Variants in EPHB6 observed in about 807,000 individuals in gnomAD.
EPHB6 encodes ephrin type-B receptor 6.
In EPHB6, 51 loss-of-function variants were observed where a neutral mutation model predicts 107.0. The ratio of observed to expected loss-of-function variants is 0.48; its 90% CI spans 0.38 to 0.60. The LOEUF (loss-of-function observed/expected upper bound fraction) is 0.60. Among genes scored for constraint, EPHB6 ranks in the 20% least tolerant of loss-of-function variants. The probability of loss-of-function intolerance (pLI) is 0.00; values close to 1 mark genes in which losing one functional copy is unlikely to be tolerated. For missense variants in EPHB6, 1,141 were observed against 1,355.5 expected, an observed-to-expected ratio of 0.84 and a Z score of 2.48; for synonymous variants, 553 against 549.0, an observed-to-expected ratio of 1.01 and a Z score of -0.10.
chr7:142,864,497 T>C lies in EPHB6; in HGVS notation c.697T>C (p.Cys233Arg), dbSNP rs774764025. Residue 233 changes from cysteine to arginine, a missense_variant, in exon 7 of 20, where the codon TGC becomes CGC. By Grantham distance (180) the Cys-to-Arg change is radical (BLOSUM62 -3). Around this residue, in one of 3 missense-constraint regions of EPHB6, gnomAD observed 304 missense variants for 295.7 expected, o/e 1.03. Transcript: ENST00000652003. ...LVAVRLFSYT[C>R]PAVLRSFASF... ...CGCTGTCAGGCTCTTCTCCTACACC[T>C]GCCCTGCCGTGCTCCGATCCTTTGC... is the stretch of plus-strand genomic sequence containing the variant. The C allele has an allele frequency of 6.2e-7, 1 of 1,613,288 alleles. No individual in the cohort carries two copies. The highest frequency in any genetic ancestry group is 1.7e-5 in the Admixed American group (1 of 60,020).
At chr7:142,865,395 T>C in intron 7 of EPHB6, 80 bp from the exon 8 acceptor site, 2 of 1,581,564 alleles carry the variant, frequency 1.3e-6, no homozygotes, top group Non-Finnish European at 1.7e-6. Context: ...GCTGCGAGGA[T>C]ACCTGCCTGC....
Position 142,863,623 on chromosome 7 carries a change from C to G in EPHB6, c.101-8C>G. 6.2e-7 allele frequency: 1 copy of G among 1,613,648 alleles called. No individual in the cohort carries two copies. Among genetic ancestry groups the G allele is most frequent in the Non-Finnish European group, 8.5e-7 (1 of 1,179,958 alleles). On this transcript the variant is annotated splice_region_variant and splice_polypyrimidine_tract_variant and intron_variant, in intron 5 of 19. Coordinates refer to ENST00000652003, the MANE Select transcript of EPHB6 (RefSeq NM_004445.6). ...TGGCCACTGTGTGCCCCTCTTATTTCTGGGCAGAGGTATTGCTGGACACCA... is the reference window on the plus strand; with the variant it reads ...TGGCCACTGTGTGCCCCTCTTATTTGTGGGCAGAGGTATTGCTGGACACCA...
chr7:142,858,218 A>G (rs910434824), intron 1 of EPHB6, among the ~76,000 whole-genome samples: 2 of 152,106 alleles, frequency 1.3e-5, no homozygotes, highest in African/African-American at 4.8e-5. Context: ...TTAATGGCCT[A>G]ATATGTCTTC....
rs773974599 is a variant in EPHB6 at position 142,865,536 on chromosome 7, C to G, written c.1011C>G (p.Ala337=). Residue 337 remains alanine (A), a synonymous_variant, in exon 8 of 20, where the codon GCC becomes GCG. Coordinates refer to ENST00000652003, the MANE Select transcript of EPHB6 (RefSeq NM_004445.6). ...AGNAPCSPCP[A]RSHAPNPAAP... ...ATGCTCCCTGCTCACCATGCCCTGC[C>G]CGCAGTCACGCTCCCAACCCAGCAG... 1 of 1,613,584 alleles carries G rather than the reference C, an allele frequency of 6.2e-7. No individual in the cohort carries two copies. The highest frequency in any genetic ancestry group is 1.3e-5 in the African/African-American group (1 of 75,042).
At chr7:142,856,678 G>A (rs1056519309) in intron 1 of EPHB6, among the ~76,000 whole-genome samples, 8 of 151,950 alleles carry the variant, frequency 5.3e-5, no homozygotes, top group East Asian at 1.9e-4. Flanking sequence ...ACTCCTCCCC[G>A]CCCCCCACTT....
In EPHB6 at chr7:142,864,174, G is replaced by A. The variant is rs201326184; in HGVS notation, c.374G>A (p.Arg125Gln). ...SSLGVSGGTC[R>Q]ETFTLYYRQA... The stretch of plus-strand genomic sequence containing the variant: ...CTGGGTGTGAGCGGCGGCACCTGCC[G>A]GGAGACCTTCACCCTTTACTACCGT... Residue 125 changes from arginine (R) to glutamine (Q), a missense_variant, in exon 7 of 20, where the codon CGG (arginine) becomes CAG (glutamine). Arg to Gln is a conservative substitution (Grantham distance 43). Coordinates refer to ENST00000652003, the MANE Select transcript of EPHB6 (RefSeq NM_004445.6). 16 of 1,613,768 alleles carry A rather than the reference G, an allele frequency of 9.9e-6. No homozygotes were observed. Among genetic ancestry groups the A allele is most frequent in the African/African-American group, 1.3e-5 (1 of 74,938 alleles).
chr7:142,864,038 G>T lies in EPHB6; in HGVS notation c.238G>T (p.Ala80Ser). 4 of 1,614,154 alleles carry T rather than the reference G, an allele frequency of 2.5e-6. No homozygotes were observed. The highest frequency in any genetic ancestry group is 2.2e-5 in the East Asian group (1 of 44,872). ...RTFEACHVAG[A>S]PPGTGQDNWL... ...CTTTGAGGCATGTCATGTGGCAGGG[G>T]CCCCTCCAGGCACCGGGCAGGACAA... is the stretch of plus-strand genomic sequence containing the variant. Residue 80 changes from alanine to serine, a missense_variant, in exon 7 of 20, where the codon GCC (alanine) becomes TCC (serine). By Grantham distance (99) the Ala-to-Ser change is moderately conservative. Transcript: ENST00000652003.
chr7:142,863,704 C>T lies in EPHB6; in HGVS notation c.165+9C>T. On this transcript the variant is annotated intron_variant, in intron 6 of 19. Coordinates refer to ENST00000652003, the MANE Select transcript of EPHB6 (RefSeq NM_004445.6). ...CCTACCCACCAGGGGGGGTGAGTGC[C>T]ACTCTAATTCTGAACCTGAATCCCT... The T allele has an allele frequency of 6.2e-7, 1 of 1,613,498 alleles. No homozygotes were observed. The highest frequency in any genetic ancestry group is 8.5e-7 in the Non-Finnish European group (1 of 1,179,666).
At position 142,867,704 on chromosome 7, in the gene EPHB6, T is replaced by C; in HGVS notation, c.1847T>C (p.Leu616Pro). The change falls in exon 12 of 20, where the codon CTG (leucine) becomes CCG (proline). Residue 616 changes from leucine (L) to proline (P), a missense_variant. By Grantham distance (98) the Leu-to-Pro change is moderately conservative (BLOSUM62 -3). Coordinates refer to ENST00000652003, the MANE Select transcript of EPHB6 (RefSeq NM_004445.6). This position sits in a 1 kb window ranked among gnomAD's most constrained non-coding sequence, Gnocchi z 5.3. Reference protein sequence around the residue: ...AFLLLAAITVLAVVFQRKRRG... With the variant: ...AFLLLAAITVPAVVFQRKRRG... ...CTCCTGCTGGCAGCCATCACCGTGCTGGCGGTCGTCTTCCAGCGGTGAGTC... is the reference window on the plus strand; with the variant it reads ...CTCCTGCTGGCAGCCATCACCGTGCCGGCGGTCGTCTTCCAGCGGTGAGTC... 6.2e-7 allele frequency: 1 copy of C among 1,612,436 alleles called. No individual in the cohort carries two copies. The highest frequency in any genetic ancestry group is 8.5e-7 in the Non-Finnish European group (1 of 1,179,736).
At position 142,868,428 on chromosome 7, in the gene EPHB6, C is replaced by T; in HGVS notation, c.2039-64C>T. ...TTGTGGCCTCCGCTGGCCAGAGTCC[C>T]ATCCAAACACAGCAGGACGCTGTGA... is the stretch of plus-strand genomic sequence containing the variant. On this transcript the variant is annotated intron_variant, in intron 14 of 19. Transcript: ENST00000652003. The surrounding 1 kb of genome is among the most constrained non-coding windows in gnomAD (Gnocchi z 4.2). 6.2e-7 allele frequency: 1 copy of T among 1,613,968 alleles called. No individual in the cohort carries two copies. Among genetic ancestry groups the T allele is most frequent in the Admixed American group, 1.7e-5 (1 of 60,020 alleles).
intron 19 of EPHB6, 35 bp downstream of exon 19, chr7:142,870,720 C>T (rs1449417953): frequency 6.2e-7 from 1 of 1,614,122 alleles, no homozygotes; most frequent in Non-Finnish European, 8.5e-7. Context: ...GGCGAATGCT[C>T]CAGGCCCCTG....
Position 142,868,474 on chromosome 7 carries a change from C to T in EPHB6, c.2039-18C>T, listed in dbSNP as rs1400851831. ...TGTGAGCCTTGATCCCCACCCCAAC[C>T]TACACCTATTTTCCCAGGCTCTTTT... On this transcript the variant is annotated intron_variant, in intron 14 of 19. Coordinates refer to ENST00000652003, the MANE Select transcript of EPHB6 (RefSeq NM_004445.6). This position sits in a 1 kb window ranked among gnomAD's most constrained non-coding sequence, Gnocchi z 4.2. The T allele has an allele frequency of 1.9e-6, 3 of 1,614,074 alleles. No homozygotes were observed. The highest frequency in any genetic ancestry group is 1.3e-5 in the African/African-American group (1 of 74,950).
Position 142,868,544 on chromosome 7 carries a change from G to C in EPHB6, c.2091G>C (p.Glu697Asp), listed in dbSNP as rs1341212088. The C allele has an allele frequency of 1.2e-5, 19 of 1,613,584 alleles. No individual in the cohort carries two copies. Among genetic ancestry groups the C allele is most frequent in the Non-Finnish European group, 1.6e-5 (19 of 1,180,014 alleles). The change falls in exon 15 of 20, where the codon GAG (glutamate) becomes GAC (aspartate). Residue 697 changes from glutamate to aspartate, a missense_variant. Transcript: ENST00000652003. The surrounding 1 kb of genome is among the most constrained non-coding windows in gnomAD (Gnocchi z 4.2). ...GCCTGCAGCCACGGGGACGGAGGGAGCAGACTGTGGCCATCCAGGCCCTGT... is the reference window on the plus strand; with the variant it reads ...GCCTGCAGCCACGGGGACGGAGGGACCAGACTGTGGCCATCCAGGCCCTGT... The part of the protein sequence containing the change: ...QGRLQPRGRR[E>D]QTVAIQALWA...
At position 142,869,316 on chromosome 7, in the gene EPHB6, G is replaced by A. The variant is rs571392878; in HGVS notation, c.2460+169G>A. 2.0e-5 allele frequency among the ~76,000 whole-genome samples: 3 copies of A among 152,266 alleles called. No individual in the cohort carries two copies. The highest frequency in any genetic ancestry group is 4.8e-5 in the African/African-American group (2 of 41,562). ...ATGGGGAGATGAAAGCCTAGGCGACGGGGTTTGAGGGATTTCAGGGACCGA... is the reference window on the plus strand; with the variant it reads ...ATGGGGAGATGAAAGCCTAGGCGACAGGGTTTGAGGGATTTCAGGGACCGA... On this transcript the variant is annotated intron_variant, in intron 16 of 19. Transcript: ENST00000652003. This position sits in a 1 kb window ranked among gnomAD's most constrained non-coding sequence, Gnocchi z 4.5.
At chr7:142,865,335 G>T in intron 7 of EPHB6, 140 bp from the exon 8 acceptor site, 1 of 1,067,642 alleles carries the variant, frequency 9.4e-7, no homozygotes, top group Non-Finnish European at 1.4e-6. Flanking sequence ...GGAAGAGAGG[G>T]TGGGGTTCAG....
At position 142,870,647 on chromosome 7, in the gene EPHB6, C is replaced by T. The variant is rs372211260; in HGVS notation, c.2922C>T (p.Gly974=). The T allele has an allele frequency of 6.2e-7, 1 of 1,614,250 alleles. No individual in the cohort carries two copies. The highest frequency in any genetic ancestry group is 1.3e-5 in the African/African-American group (1 of 75,060). The stretch of plus-strand genomic sequence containing the variant: ...ACCAGGACAACTTCTCCAAGTTTGG[C>T]CTCTGTACCTTCAGTGATGTGGCTC... ...ECYQDNFSKF[G]LCTFSDVAQL... The change falls in exon 19 of 20, where the codon GGC becomes GGT. Residue 974 remains glycine (G), a synonymous_variant. Transcript: ENST00000652003.
chr7:142,865,836 C>A, intron 8 of EPHB6, 124 bp from the exon 9 acceptor site: 1 of 1,183,436 alleles, frequency 8.4e-7, no homozygotes, highest in East Asian at 2.5e-5. Context: ...TGGGCTACCC[C>A]CACCCCACGC....
chr7:142,867,149 G>T lies in EPHB6; in HGVS notation c.1750+81G>T. The T allele has an allele frequency of 1.3e-6, 2 of 1,530,574 alleles. No individual in the cohort carries two copies. The highest frequency in any genetic ancestry group is 1.2e-5 in the South Asian group (1 of 83,614). The allele number at this position is 1,530,574 out of a possible 1,614,324, so 94.8% of individuals were successfully genotyped here. A position where few individuals can be genotyped will look rare whatever the true frequency, so the allele number is the denominator to read the frequency against. On this transcript the variant is annotated intron_variant, in intron 11 of 19. Transcript: ENST00000652003. The surrounding 1 kb of genome is among the most constrained non-coding windows in gnomAD (Gnocchi z 5.3). ...AGAGGCCCAGGGACTGTCCGGCCTT[G>T]AACCCTGGCCCCGTGCTTCCCAACC...
rs1802961377 is a variant in EPHB6, at chr7:142,863,686, A to C, written c.156A>C (p.Pro52=). 1.9e-6 allele frequency: 3 copies of C among 1,613,488 alleles called. No individual in the cohort carries two copies. The highest frequency in any genetic ancestry group is 1.7e-6 in the Non-Finnish European group (2 of 1,179,718). The change falls in exon 6 of 20, where the codon CCA becomes CCC. Residue 52 remains proline (P), a synonymous_variant. Transcript: ENST00000652003. Reference sequence around the variant, plus strand: ...CTGAGATTGGCTGGCTCACCTACCCACCAGGGGGGGTGAGTGCCACTCTAA... The same window carrying C: ...CTGAGATTGGCTGGCTCACCTACCCCCCAGGGGGGGTGAGTGCCACTCTAA... ...ETSEIGWLTY[P]PGGWDEVSVL... is the part of the protein sequence containing the mutation.
Sources: gnomAD v4.1 joint callset for allele counts (sites outside exome capture counted in the v4.1 genomes callset) on GRCh38, gnomAD v4.1.1 for gene constraint, gnomAD v4.1.1 regional missense constraint, Gnocchi (gnomAD v3.1) non-coding constraint, MANE v1.5 for transcripts, NCBI Gene and HGNC (gene_info 2026-07-23, HGNC 2026-07-21) for gene names.